The following EYS variants were observed in gnomAD, a reference collection of about 807,000 sequenced individuals.
EYS encodes protein eyes shut homolog.
Under a neutral mutation model 282.1 loss-of-function variants are expected in EYS, and 250 were observed. The ratio of observed to expected loss-of-function variants is 0.89; its 90% CI spans 0.80 to 0.98. The LOEUF is 0.98. Among genes scored for constraint, EYS ranks in the 50% least tolerant of loss-of-function variants. The probability of loss-of-function intolerance (pLI) is 0.00; values close to 1 mark genes in which losing one functional copy is unlikely to be tolerated. For synonymous variants in EYS, 1,355 were observed against 1,282.9 expected (o/e 1.06, Z -1.20); for missense variants, 4,016 against 3,709.0 (o/e 1.08, Z -2.15).
At chr6:64,413,563 A>AAC (rs1773974180) in intron 28 of EYS, among the ~76,000 whole-genome samples, 2 of 139,292 alleles carry the variant, frequency 1.4e-5, no homozygotes, top group African/African-American at 2.6e-5. Context: ...AACAACAAAA[A>AAC]CCCAAAAAAA....
chr6:64,847,984 T>C (rs999668245), intron 19 of EYS, among the ~76,000 whole-genome samples: 28 of 152,050 alleles, frequency 1.8e-4, no homozygotes, highest in African/African-American at 6.8e-4. Context: ...ATGTGTGCCA[T>C]TCTGTTTTTG....
chr6:63,904,928 T>C (rs980549730), intron 35 of EYS, among the ~76,000 whole-genome samples: 1 of 152,236 alleles, frequency 6.6e-6, no homozygotes, highest in Admixed American at 6.5e-5. Flanking sequence ...GTTTAAACCA[T>C]TCTAAAGTGT....
At chr6:64,738,481 A>T (rs1026270684) in intron 22 of EYS, among the ~76,000 whole-genome samples, 16 of 152,180 alleles carry the variant, frequency 1.1e-4, no homozygotes, top group African/African-American at 3.9e-4. Context: ...TCTTTTCTTT[A>T]TAAGTAACTC....
intron 8 of EYS, among the ~76,000 whole-genome samples, chr6:65,355,780 A>T (rs1216098129): frequency 6.6e-6 from 1 of 152,130 alleles, no homozygotes; most frequent in African/African-American, 2.4e-5. Flanking sequence ...ATAATGAGAC[A>T]TCATCTTATA....
intron 35 of EYS, among the ~76,000 whole-genome samples, chr6:63,914,566 G>T (rs2149739849): frequency 1.3e-5 from 2 of 152,070 alleles, no homozygotes; most frequent in South Asian, 2.1e-4. Flanking sequence ...AAATTAGTTG[G>T]GCATGGTTAC....
chr6:64,548,835 A>G (rs1218931476), intron 26 of EYS, among the ~76,000 whole-genome samples: 1 of 152,234 alleles, frequency 6.6e-6, no homozygotes, highest in East Asian at 1.9e-4. Flanking sequence ...TAATAAAAAA[A>G]AAAGAAAGAA....
chr6:64,068,238 A>C (rs1046994117), intron 32 of EYS, among the ~76,000 whole-genome samples: 3 of 152,034 alleles, frequency 2.0e-5, no homozygotes, highest in African/African-American at 7.2e-5. Context: ...ACATATTCTC[A>C]TGTTTACTGA....
intron 22 of EYS, among the ~76,000 whole-genome samples, chr6:64,759,818 C>A (rs577593293): frequency 6.6e-6 from 1 of 152,098 alleles, no homozygotes. Flanking sequence ...TAACAGTTCA[C>A]TTTATAAAAT....
intron 35 of EYS, among the ~76,000 whole-genome samples, chr6:63,870,152 A>G (rs1772766319): frequency 6.6e-6 from 1 of 152,178 alleles, no homozygotes; most frequent in Non-Finnish European, 1.5e-5. Flanking sequence ...AAGCTATTTA[A>G]GGCTAGAAGA....
At chr6:64,355,516 T>C (rs1022600935) in intron 29 of EYS, among the ~76,000 whole-genome samples, 5 of 151,612 alleles carry the variant, frequency 3.3e-5, no homozygotes, top group African/African-American at 1.2e-4. Flanking sequence ...TTTCCATGCA[T>C]GCAATACTCC....
At chr6:64,305,461 C>G (rs1347354253) in intron 30 of EYS, among the ~76,000 whole-genome samples, 1 of 152,050 alleles carries the variant, frequency 6.6e-6, no homozygotes. Context: ...CTGGTGGTCT[C>G]ACACTTACTG....
At chr6:65,239,869 AC>A (rs1043893218) in intron 12 of EYS, among the ~76,000 whole-genome samples, 102 of 152,236 alleles carry the variant, frequency 6.7e-4, no homozygotes, top group African/African-American at 2.3e-3. Flanking sequence ...TTTACTTTGT[AC>A]TATAAGCAGA....
intron 29 of EYS, among the ~76,000 whole-genome samples, chr6:64,346,207 T>C (rs1430043336): frequency 6.6e-6 from 1 of 152,112 alleles, no homozygotes; most frequent in Non-Finnish European, 1.5e-5. Context: ...ACTGGGTATC[T>C]ACCCAAAGGA....
intron 22 of EYS, among the ~76,000 whole-genome samples, chr6:64,754,967 A>C (rs189306460): frequency 1.8e-3 from 273 of 152,290 alleles, no homozygotes; most frequent in Non-Finnish European, 3.0e-3. Context: ...GAAAGAAATA[A>C]AAGATATCCA....
chr6:65,151,255 G>A (rs764082449), intron 12 of EYS, among the ~76,000 whole-genome samples: 11 of 151,956 alleles, frequency 7.2e-5, no homozygotes, highest in African/African-American at 1.2e-4. Flanking sequence ...TAATTGTATC[G>A]AAAACTCTGA....
intron 26 of EYS, among the ~76,000 whole-genome samples, chr6:64,573,512 G>T: frequency 6.6e-6 from 1 of 151,990 alleles, no homozygotes; most frequent in African/African-American, 2.4e-5. Context: ...TGGGAGAAAA[G>T]TTTTCCATTC....
At chr6:64,987,567 C>T (rs1475973321) in intron 14 of EYS, among the ~76,000 whole-genome samples, 3 of 151,450 alleles carry the variant, frequency 2.0e-5, no homozygotes, top group South Asian at 2.1e-4. Context: ...GGCAGCTGAA[C>T]TCAAGGTCTG....
At chr6:64,537,717 A>G (rs528646321) in intron 26 of EYS, among the ~76,000 whole-genome samples, 1 of 152,184 alleles carries the variant, frequency 6.6e-6, no homozygotes, top group Non-Finnish European at 1.5e-5. Context: ...AGTTTTTCTG[A>G]CAATTTTGTT....
At chr6:65,090,914 A>G (rs562075641) in intron 12 of EYS, among the ~76,000 whole-genome samples, 25 of 152,100 alleles carry the variant, frequency 1.6e-4, no homozygotes, top group Non-Finnish European at 3.2e-4. Context: ...ATGCTCTAAT[A>G]GGGCCTAGAA....
Sources: allele counts gnomAD v4.1 joint callset (sites outside exome capture counted in the v4.1 genomes callset), GRCh38; gene constraint gnomAD v4.1.1; transcripts MANE v1.5; gene names NCBI Gene and HGNC (gene_info 2026-07-23, HGNC 2026-07-21).